ANK3: variants seen among roughly 807,000 people sequenced by gnomAD.
The protein encoded by ANK3 is ankyrin 3, also known as ankyrin-3.
Under a neutral mutation model 370.9 loss-of-function variants are expected in ANK3, and 57 were observed. That is an observed-to-expected ratio of 0.15 (90% CI 0.12 to 0.19). The LOEUF (loss-of-function observed/expected upper bound fraction) is 0.19. Among genes scored for constraint, ANK3 ranks in the 10% least tolerant of loss-of-function variants. The pLI is 1.00. For missense variants in ANK3, 4,439 were observed against 5,302.1 expected, an observed-to-expected ratio of 0.84 and a Z score of 5.06; for synonymous variants, 1,929 against 1,946.3, an observed-to-expected ratio of 0.99 and a Z score of 0.23.
intron 1 of ANK3, among the ~76,000 whole-genome samples, chr10:60,673,783 T>C (rs1001279225): frequency 6.6e-6 from 1 of 152,242 alleles, no homozygotes; most frequent in Non-Finnish European, 1.5e-5. Flanking sequence ...TTCTGCACTC[T>C]TCAAGTTACC....
intron 1 of ANK3, among the ~76,000 whole-genome samples, chr10:60,693,130 G>T (rs991449019): frequency 8.5e-5 from 13 of 152,204 alleles, no homozygotes; most frequent in Admixed American, 7.2e-4. Flanking sequence ...CCTAGTCAAA[G>T]AAAGGGGTGA....
rs765580548 is a variant in ANK3, at chr10:60,064,135, A to G, written c.12451+22T>C. The G allele has an allele frequency of 1.1e-5, 17 of 1,543,050 alleles. No homozygotes were observed. In the South Asian group the frequency reaches 2.2e-4, roughly 20 times the overall value. ...TACATTTATGCAGTTTTGAAAGTTA[A>G]AATAATATAATTTCGGCATACTTGT... On this transcript the variant is annotated intron_variant, in intron 39 of 43. Transcript: ENST00000280772.
chr10:60,459,269 T>C (rs2064825767), intron 2 of ANK3, among the ~76,000 whole-genome samples: 1 of 152,166 alleles, frequency 6.6e-6, no homozygotes, highest in African/African-American at 2.4e-5. Context: ...GTTTCCTTTA[T>C]CTGAAAGTCA....
chr10:60,386,239 G>A (rs1041750169), intron 1 of ANK3, among the ~76,000 whole-genome samples: 9 of 152,210 alleles, frequency 5.9e-5, no homozygotes, highest in East Asian at 1.9e-4. Context: ...TAAGCGGCCC[G>A]TGAGCAGAGA....
chr10:60,129,644 T>C (rs1479756484), intron 25 of ANK3, among the ~76,000 whole-genome samples: 2 of 152,016 alleles, frequency 1.3e-5, no homozygotes, highest in Non-Finnish European at 2.9e-5. Flanking sequence ...TTCCAGCTAC[T>C]AGGGAGGCTG....
At chr10:60,229,446 AAATAT>A (rs1174805291) in intron 8 of ANK3, among the ~76,000 whole-genome samples, 1 of 152,218 alleles carries the variant, frequency 6.6e-6, no homozygotes, top group Non-Finnish European at 1.5e-5. Flanking sequence ...ACATCCCTTG[AAATAT>A]AATCAAAAGC....
chr10:60,091,746 T>TC (rs1268570291), intron 28 of ANK3, among the ~76,000 whole-genome samples: 1 of 151,804 alleles, frequency 6.6e-6, no homozygotes, highest in African/African-American at 2.4e-5. Flanking sequence ...GTTTTTTTTT[T>TC]TTTGAGACGG....
chr10:60,122,391 G>T (rs1254068593), intron 25 of ANK3, among the ~76,000 whole-genome samples: 4 of 152,204 alleles, frequency 2.6e-5, no homozygotes, highest in Non-Finnish European at 4.4e-5. Context: ...ATTGGGTAGG[G>T]GAGTGTGCCT....
intron 1 of ANK3, among the ~76,000 whole-genome samples, chr10:60,384,649 T>TA (rs962712493): frequency 6.6e-6 from 1 of 152,098 alleles, no homozygotes; most frequent in African/African-American, 2.4e-5. Flanking sequence ...ATGGGGATAA[T>TA]AAAAAAATAC....
chr10:60,066,356 G>A (rs2081630998), intron 38 of ANK3, among the ~76,000 whole-genome samples: 1 of 152,080 alleles, frequency 6.6e-6, no homozygotes, highest in East Asian at 1.9e-4. Flanking sequence ...ATATAATAAT[G>A]CAAAACAAAC....
chr10:60,113,365 T>C (rs558305788), intron 26 of ANK3, among the ~76,000 whole-genome samples: 51 of 152,268 alleles, frequency 3.3e-4, no homozygotes, highest in African/African-American at 1.1e-3. Flanking sequence ...ATCAAAGACC[T>C]GTATCATATG....
At chr10:60,410,506 C>T (rs2063537512) in intron 2 of ANK3, among the ~76,000 whole-genome samples, 1 of 152,112 alleles carries the variant, frequency 6.6e-6, no homozygotes, top group African/African-American at 2.4e-5. Context: ...ACCAAAAGAA[C>T]ATTCATTCTT....
Position 60,213,437 on chromosome 10 carries a change from G to C in ANK3, c.971C>G (p.Ala324Gly), listed in dbSNP as rs369098464. ...CTTGGTTTTTGAAAGAATGGGGGCA[G>C]CTCGATCAAGCAACATTTCTACCAC... ...EQVVEMLLDR[A>G]APILSKTKNG... The change falls in exon 9 of 44, where the codon GCT (alanine) becomes GGT (glycine). Residue 324 changes from alanine to glycine, a missense_variant. Ala to Gly is a moderately conservative substitution (Grantham distance 60). Around this residue, in one of 13 missense-constraint regions of ANK3, gnomAD observed 227 missense variants for 377.6 expected, o/e 0.60. Coordinates refer to ENST00000280772, the MANE Select transcript of ANK3 (RefSeq NM_020987.5). 16 of 1,612,280 alleles carry C rather than the reference G, an allele frequency of 9.9e-6. No individual in the cohort carries two copies. In the African/African-American group the frequency reaches 2.0e-4, roughly 20 times the overall value.
intron 21 of ANK3, among the ~76,000 whole-genome samples, chr10:60,168,734 C>T (rs2095692217): frequency 6.6e-6 from 1 of 152,072 alleles, no homozygotes; most frequent in Non-Finnish European, 1.5e-5. Flanking sequence ...GTGTCCTTCC[C>T]CTCCCTGTGT....
intron 18 of ANK3, among the ~76,000 whole-genome samples, chr10:60,180,878 A>G (rs572681784): frequency 1.5e-3 from 222 of 152,276 alleles, no homozygotes; most frequent in African/African-American, 4.9e-3. Flanking sequence ...CGCACAGACC[A>G]TTAGGAATTT....
At chr10:60,080,250 T>C (rs563682603) in intron 36 of ANK3, among the ~76,000 whole-genome samples, 1 of 152,308 alleles carries the variant, frequency 6.6e-6, no homozygotes, top group East Asian at 1.9e-4. Context: ...TCTCCTAGCA[T>C]AGTTAATCAA....
At chr10:60,388,653 C>T (rs968831377) in intron 1 of ANK3, among the ~76,000 whole-genome samples, 2 of 152,102 alleles carry the variant, frequency 1.3e-5, no homozygotes, top group African/African-American at 4.8e-5. Context: ...CCAGAATATT[C>T]CTCCTATTTT....
chr10:60,057,580 A>AT (rs1401688669), intron 41 of ANK3, among the ~76,000 whole-genome samples: 1 of 152,042 alleles, frequency 6.6e-6, no homozygotes, highest in Non-Finnish European at 1.5e-5. Context: ...CTTTGGTTTA[A>AT]TTTTCTATTC....
At chr10:60,214,630 T>G (rs1373197172) in intron 8 of ANK3, among the ~76,000 whole-genome samples, 2 of 152,178 alleles carry the variant, frequency 1.3e-5, no homozygotes, top group Admixed American at 1.3e-4. Flanking sequence ...TCTGTTCCCG[T>G]GTTTGTTTGC....
Sources: gnomAD v4.1 joint callset for allele counts (sites outside exome capture counted in the v4.1 genomes callset) on GRCh38, gnomAD v4.1.1 for gene constraint, gnomAD v4.1.1 regional missense constraint, MANE v1.5 for transcripts, NCBI Gene and HGNC (gene_info 2026-07-23, HGNC 2026-07-21) for gene names.